Variants in ARNT observed in about 807,000 individuals in gnomAD.
The protein encoded by ARNT is class E basic helix-loop-helix protein 2.
Under a neutral mutation model 105.0 loss-of-function variants are expected in ARNT, and 30 were observed. That is an observed-to-expected ratio of 0.29 (90% CI 0.21 to 0.39). ARNT has a LOEUF of 0.39. Among genes scored for constraint, ARNT ranks in the 10% least tolerant of loss-of-function variants. The pLI is 1.00. For missense variants in ARNT, 748 were observed against 978.7 expected (o/e 0.76, Z 3.15); for synonymous variants, 304 against 344.0 (o/e 0.88, Z 1.29).
chr1:150,836,654 T>A (rs1478758326), intron 6 of ARNT, among the ~76,000 whole-genome samples, 161 bp from the exon 7 acceptor site: 1 of 152,228 alleles, frequency 6.6e-6, no homozygotes, highest in Non-Finnish European at 1.5e-5. Flanking sequence ...CTAAATGTAG[T>A]TCATCGATAA....
intron 14 of ARNT, 101 bp downstream of exon 14, chr1:150,823,093 T>G: frequency 8.1e-7 from 1 of 1,230,932 alleles, no homozygotes; most frequent in South Asian, 2.3e-5. Flanking sequence ...AATTTTTGTG[T>G]TGTTGCTTGA....
rs773575539 is a variant in ARNT, at chr1:150,810,053, G to C, written c.*1968C>G. ...GTGCCTGTTGTTTATGAACTGGAAA[G>C]GAATGATAAAGCCGCAATCAAGATC... On this transcript the variant is annotated 3_prime_UTR_variant, in exon 22 of 22. Transcript: ENST00000358595. 1 of 229,378 alleles carries C rather than the reference G, an allele frequency of 4.4e-6. No homozygotes were observed. Among genetic ancestry groups the C allele is most frequent in the Admixed American group, 5.7e-5 (1 of 17,668 alleles). 14.2% of individuals were successfully genotyped at this position (229,378 alleles called of 1,614,324 possible). A position where few individuals can be genotyped will look rare whatever the true frequency, so the allele number is the denominator to read the frequency against.
chr1:150,865,626 A>T (rs1666436343), intron 1 of ARNT, among the ~76,000 whole-genome samples: 1 of 152,200 alleles, frequency 6.6e-6, no homozygotes, highest in Non-Finnish European at 1.5e-5. Flanking sequence ...CAAAAGACAG[A>T]TTTACTCTCT....
chr1:150,871,827 G>GAA (rs1667492275), intron 1 of ARNT, among the ~76,000 whole-genome samples: 1 of 128,410 alleles, frequency 7.8e-6, no homozygotes, highest in South Asian at 2.6e-4. Flanking sequence ...AGAATAGCTT[G>GAA]AACCCAGGAG....
At chr1:150,846,437 T>C in intron 3 of ARNT, 130 bp from the exon 4 acceptor site, 5 of 838,280 alleles carry the variant, frequency 6.0e-6, no homozygotes, top group South Asian at 1.8e-5. Flanking sequence ...CACAAAGTGA[T>C]AGAAATAACA....
At chr1:150,861,431 T>C (rs1016114734) in intron 1 of ARNT, 14 of 268,714 alleles carry the variant, frequency 5.2e-5, no homozygotes, top group South Asian at 9.5e-5. Context: ...AAAGAAACAT[T>C]TGTATACCCA....
chr1:150,876,404 T>C, intron 1 of ARNT, 139 bp downstream of exon 1: 2 of 1,294,986 alleles, frequency 1.5e-6, no homozygotes, highest in Non-Finnish European at 1.0e-6. Context: ...AGGTCACCGC[T>C]CCCCCACCGT....
At chr1:150,817,492 A>C in intron 15 of ARNT, 59 bp from the exon 16 acceptor site, 1 of 1,516,372 alleles carries the variant, frequency 6.6e-7, no homozygotes, top group Non-Finnish European at 9.1e-7. Flanking sequence ...TTTAAAAAAG[A>C]ATCTGGAGAA....
rs587755772 is a variant in ARNT at position 150,851,088 on chromosome 1, G to A, written c.182+1674C>T. 3.3e-5 allele frequency among the ~76,000 whole-genome samples: 5 copies of A among 149,580 alleles called. No homozygotes were observed. In the East Asian group the frequency reaches 6.1e-4, roughly 18 times the overall value. Reference sequence around the variant, plus strand: ...GAGAAGTGAGGAGCCCCTCCGCCCCGCAGCCGCCCCGTCCGGGAAGTGAGG... The same window carrying A: ...GAGAAGTGAGGAGCCCCTCCGCCCCACAGCCGCCCCGTCCGGGAAGTGAGG... On this transcript the variant is annotated intron_variant, in intron 3 of 21. Coordinates refer to ENST00000358595, the MANE Select transcript of ARNT (RefSeq NM_001668.4).
intron 10 of ARNT, chr1:150,831,570 C>A: frequency 2.3e-6 from 1 of 442,576 alleles, no homozygotes; most frequent in Non-Finnish European, 4.0e-6. Flanking sequence ...TAAATTTGTT[C>A]ACATAAAAAC....
Position 150,816,841 on chromosome 1 carries a change from T to C in ARNT, c.1749A>G (p.Leu583=), listed in dbSNP as rs754453492. The C allele has an allele frequency of 7.5e-6, 12 of 1,590,314 alleles. No homozygotes were observed. The highest frequency in any genetic ancestry group is 4.5e-5 in the East Asian group (2 of 44,814). ...GAGGGAATGTGTTGCCCTGGGAGAA[T>C]AGCTGTTGGGTGGCAGGGACAGTGC... ...SSSTVPATQQ[L]FSQGNTFPPT... is the part of the protein sequence containing the mutation. Residue 583 remains leucine (L), a synonymous_variant, in exon 18 of 22, where the codon CTA becomes CTG. Transcript: ENST00000358595.
Position 150,839,506 on chromosome 1 carries a change from A to T in ARNT, c.421T>A (p.Ser141Thr). The change falls in exon 6 of 22, where the codon TCC becomes ACC. Residue 141 changes from serine (S) to threonine (T), a missense_variant. Around this residue, in one of 4 missense-constraint regions of ARNT, gnomAD observed 291 missense variants for 444.6 expected, o/e 0.65. Transcript: ENST00000358595. ...GATGTGTTGCCAGTTCCCCGCAAGG[A>T]CTTCATGTGAGAAACTGCCATGCGT... Reference protein sequence around the residue: ...ILRMAVSHMKSLRGTGNTSTD... With the variant: ...ILRMAVSHMKTLRGTGNTSTD... 1 of 1,614,208 alleles carries T rather than the reference A, an allele frequency of 6.2e-7. No homozygotes were observed. The highest frequency in any genetic ancestry group is 1.3e-5 in the African/African-American group (1 of 75,060).
chr1:150,818,028 T>C lies in ARNT; in HGVS notation c.1397A>G (p.Asn466Ser), dbSNP rs1237637333. ...YIICTNTNVK[N>S]SSQEPRPTLS... Reference sequence around the variant, plus strand: ...TGTAGGCCGTGGTTCTTGGCTAGAGTTCCTAGGAAACCAGAGTAGACAGTA... The same window carrying C: ...TGTAGGCCGTGGTTCTTGGCTAGAGCTCCTAGGAAACCAGAGTAGACAGTA... Residue 466 changes from asparagine (N) to serine (S), a missense_variant and splice_region_variant, in exon 15 of 22, where the codon AAC becomes AGC. By Grantham distance (46) the Asn-to-Ser change is conservative. This residue lies in a region of ARNT where 360 missense variants were observed against 411.9 expected (regional missense o/e 0.87). Coordinates refer to ENST00000358595, the MANE Select transcript of ARNT (RefSeq NM_001668.4). 1 of 1,593,596 alleles carries C rather than the reference T, an allele frequency of 6.3e-7. No individual in the cohort carries two copies. Among genetic ancestry groups the C allele is most frequent in the Non-Finnish European group, 8.5e-7 (1 of 1,170,108 alleles).
chr1:150,836,674 T>C (rs910019996), intron 6 of ARNT, among the ~76,000 whole-genome samples, 181 bp from the exon 7 acceptor site: 3 of 152,204 alleles, frequency 2.0e-5, no homozygotes, highest in Admixed American at 2.0e-4. Context: ...AGAAAGTTTT[T>C]TCTAATACAT....
At chr1:150,832,013 C>T in intron 9 of ARNT, 110 bp from the exon 10 acceptor site, 1 of 792,068 alleles carries the variant, frequency 1.3e-6, no homozygotes, top group South Asian at 1.7e-5. Flanking sequence ...GTTTAGAAAA[C>T]AGGATAATCA....
chr1:150,813,705 C>T (rs1188198143), intron 20 of ARNT, among the ~76,000 whole-genome samples: 6 of 151,444 alleles, frequency 4.0e-5, no homozygotes, highest in Non-Finnish European at 7.4e-5. Flanking sequence ...AGTGCAAAGG[C>T]GCGATCTCAG....
rs781155760 is a variant in ARNT at position 150,816,846 on chromosome 1, G to T, written c.1744C>A (p.Gln582Lys). 2.3e-5 allele frequency: 37 copies of T among 1,590,842 alleles called. No homozygotes were observed. Among genetic ancestry groups the T allele is most frequent in the Non-Finnish European group, 3.1e-5 (36 of 1,174,478 alleles). Residue 582 changes from glutamine (Q) to lysine (K), a missense_variant, in exon 18 of 22, where the codon CAG becomes AAG. Physicochemically the swap from Gln to Lys is moderately conservative, Grantham distance 53 (BLOSUM62 1). Around this residue, in one of 4 missense-constraint regions of ARNT, gnomAD observed 360 missense variants for 411.9 expected, o/e 0.87. Transcript: ENST00000358595. ...ISSSTVPATQQLFSQGNTFPP... is the reference protein window; with the variant it reads ...ISSSTVPATQKLFSQGNTFPP... Reference sequence around the variant, plus strand: ...AATGTGTTGCCCTGGGAGAATAGCTGTTGGGTGGCAGGGACAGTGCTGGAG... The same window carrying T: ...AATGTGTTGCCCTGGGAGAATAGCTTTTGGGTGGCAGGGACAGTGCTGGAG...
intron 21 of ARNT, 97 bp downstream of exon 21, chr1:150,813,075 A>G: frequency 7.2e-7 from 1 of 1,380,944 alleles, no homozygotes; most frequent in South Asian, 1.4e-5. Context: ...CCCCAACCAA[A>G]CACCTCAATC....
intron 20 of ARNT, 27 bp from the exon 21 acceptor site, chr1:150,813,365 C>T (rs2101531266): frequency 1.3e-6 from 2 of 1,581,520 alleles, no homozygotes; most frequent in African/African-American, 2.7e-5. Flanking sequence ...GAAGAATAAA[C>T]AACTCCAATC....
Sources: gnomAD v4.1 joint callset for allele counts (sites outside exome capture counted in the v4.1 genomes callset) on GRCh38, gnomAD v4.1.1 for gene constraint, gnomAD v4.1.1 regional missense constraint, MANE v1.5 for transcripts, NCBI Gene and HGNC (gene_info 2026-07-23, HGNC 2026-07-21) for gene names.